Variants in PDZRN3 observed in about 807,000 individuals in gnomAD.
PDZRN3 encodes the protein PDZ domain containing ring finger 3.
In PDZRN3, 38 loss-of-function variants were observed where a neutral mutation model predicts 85.7. The observed-to-expected ratio is 0.44, with a 90% CI of 0.34 to 0.58. The LOEUF is 0.58. PDZRN3 is among the 20% of genes least tolerant of loss of function. The pLI, the probability that PDZRN3 is intolerant of heterozygous loss-of-function variation, is 0.01. For synonymous variants in PDZRN3, 759 were observed against 638.0 expected (o/e 1.19, Z -2.86); for missense variants, 1,629 against 1,506.4 (o/e 1.08, Z -1.35).
rs1273033820 is a variant in PDZRN3 at position 73,590,269 on chromosome 3, A to T, written c.918+12085T>A. ...GGGTGACAAAGCAAGACTCTGTCTC[A>T]AAAAAAAAAAAAAAAAAGAAAGAGA... On this transcript the variant is annotated intron_variant, in intron 3 of 9. Coordinates refer to ENST00000263666, the MANE Select transcript of PDZRN3 (RefSeq NM_015009.3). 1.4e-4 allele frequency among the ~76,000 whole-genome samples: 4 copies of T among 27,622 alleles called. No individual in the cohort carries two copies. In the East Asian group the frequency reaches 5.6e-3, roughly 39 times the overall value. 18.1% of individuals were successfully genotyped at this position (27,622 alleles called of 152,430 possible). A position where few individuals can be genotyped will look rare whatever the true frequency, so the allele number is the denominator to read the frequency against.
At chr3:73,610,047 T>C (rs1702658612) in intron 1 of PDZRN3, among the ~76,000 whole-genome samples, 1 of 152,210 alleles carries the variant, frequency 6.6e-6, no homozygotes, top group Admixed American at 6.5e-5. Context: ...CCACAACCCC[T>C]TTCTCACGAG....
chr3:73,524,090 A>G (rs1704461915), intron 3 of PDZRN3, among the ~76,000 whole-genome samples: 1 of 152,190 alleles, frequency 6.6e-6, no homozygotes, highest in Admixed American at 6.5e-5. Context: ...ACAAGGCACT[A>G]TATTCAGGGT....
intron 3 of PDZRN3, among the ~76,000 whole-genome samples, chr3:73,545,182 G>T (rs986251196): frequency 5.9e-5 from 9 of 152,196 alleles, no homozygotes; most frequent in Non-Finnish European, 1.2e-4. Context: ...GGAGGGATGA[G>T]TGGAAGCCCC....
At chr3:73,442,451 C>T (rs547103387) in intron 3 of PDZRN3, among the ~76,000 whole-genome samples, 2 of 152,260 alleles carry the variant, frequency 1.3e-5, no homozygotes, top group African/African-American at 4.8e-5. Context: ...ACTGGCGCTA[C>T]AGGGCACGTG....
chr3:73,583,056 T>A (rs1396719344), intron 3 of PDZRN3, among the ~76,000 whole-genome samples: 1 of 152,312 alleles, frequency 6.6e-6, no homozygotes, highest in South Asian at 2.1e-4. Context: ...CTATCAATAA[T>A]CATAATGTGA....
Position 73,442,532 on chromosome 3 carries a change from G to A in PDZRN3, c.919-38137C>T, listed in dbSNP as rs114785549. ...AATAACACACTGGGAAAAATGTTAC[G>A]AGGAACACTAGGTGTTACAAATCCT... On this transcript the variant is annotated intron_variant, in intron 3 of 9. Coordinates refer to ENST00000263666, the MANE Select transcript of PDZRN3 (RefSeq NM_015009.3). Among the ~76,000 whole-genome samples, 372 of 152,254 alleles carry A rather than the reference G, an allele frequency of 2.4e-3. 5 individuals carry two copies. Among genetic ancestry groups the A allele is most frequent in the African/African-American group, 7.9e-3 (329 of 41,550 alleles).
intron 3 of PDZRN3, among the ~76,000 whole-genome samples, chr3:73,432,546 C>T (rs1702453295): frequency 6.6e-6 from 1 of 152,156 alleles, no homozygotes; most frequent in Non-Finnish European, 1.5e-5. Context: ...CACCCAGGGT[C>T]ATTTTATCTT....
intron 3 of PDZRN3, among the ~76,000 whole-genome samples, chr3:73,492,555 G>GT (rs1023192683): frequency 6.6e-6 from 1 of 152,212 alleles, no homozygotes; most frequent in African/African-American, 2.4e-5. Context: ...CTGCAGAGGT[G>GT]TTTAAGAACA....
intron 3 of PDZRN3, among the ~76,000 whole-genome samples, chr3:73,504,879 C>G (rs1220801875): frequency 6.6e-6 from 1 of 152,092 alleles, no homozygotes. Context: ...AATTGATTGA[C>G]CTGTGGGGAA....
rs11343439 is a variant in PDZRN3, at chr3:73,602,470, T to TA, written c.811-10dup. 607 of 1,035,100 alleles carry TA rather than the reference T, an allele frequency of 5.9e-4. 1 individual carries two copies. Among genetic ancestry groups the TA allele is most frequent in the Non-Finnish European group, 7.1e-4 (499 of 698,998 alleles). The allele number at this position is 1,035,100 out of a possible 1,614,324, so 64.1% of individuals were successfully genotyped here. A position where few individuals can be genotyped will look rare whatever the true frequency, so the allele number is the denominator to read the frequency against. Reference sequence around the variant, plus strand: ...GATCCATCGTGGTTATCCTTTGGGTTAAAAAAAAAAACATGCATGAATGCT... The same window carrying TA: ...GATCCATCGTGGTTATCCTTTGGGTTAAAAAAAAAAAACATGCATGAATGCT... On this transcript the variant is annotated splice_polypyrimidine_tract_variant and intron_variant, in intron 2 of 9. Coordinates refer to ENST00000263666, the MANE Select transcript of PDZRN3 (RefSeq NM_015009.3).
At chr3:73,570,368 A>G (rs552946524) in intron 3 of PDZRN3, among the ~76,000 whole-genome samples, 1 of 152,360 alleles carries the variant, frequency 6.6e-6, no homozygotes, top group South Asian at 2.1e-4. Context: ...GGCAACAATT[A>G]CCGGCATATT....
chr3:73,573,639 C>T (rs1702074906), intron 3 of PDZRN3, among the ~76,000 whole-genome samples: 1 of 152,162 alleles, frequency 6.6e-6, no homozygotes, highest in Admixed American at 6.6e-5. Flanking sequence ...AGTTTGCCAA[C>T]GCCCGTTCTA....
intron 3 of PDZRN3, among the ~76,000 whole-genome samples, chr3:73,498,774 G>A (rs1037858882): frequency 3.9e-5 from 6 of 152,092 alleles, no homozygotes; most frequent in East Asian, 1.9e-4. Flanking sequence ...TAGTAGAGAC[G>A]GGGTTTCACA....
At chr3:73,494,127 T>G (rs897855216) in intron 3 of PDZRN3, among the ~76,000 whole-genome samples, 2 of 152,244 alleles carry the variant, frequency 1.3e-5, no homozygotes, top group Non-Finnish European at 2.9e-5. Context: ...GGGCTGGGCT[T>G]CTGACACATG....
Position 73,624,526 on chromosome 3 carries a change from C to A in PDZRN3, c.300G>T (p.Glu100Asp). 8 of 1,474,712 alleles carry A rather than the reference C, an allele frequency of 5.4e-6. No homozygotes were observed. In the East Asian group the frequency reaches 8.9e-5, roughly 16 times the overall value. The allele number at this position is 1,474,712 out of a possible 1,614,324, so 91.4% of individuals were successfully genotyped here. A position where few individuals can be genotyped will look rare whatever the true frequency, so the allele number is the denominator to read the frequency against. Reference protein sequence around the residue: ...GRVVKLQQLPEHLERCDFAPA... With the variant: ...GRVVKLQQLPDHLERCDFAPA... ...GCGCGAAGTCGCAGCGCTCGAGGTGCTCCGGCAGCTGCTGCAGCTTGACCA... is the reference window on the plus strand; with the variant it reads ...GCGCGAAGTCGCAGCGCTCGAGGTGATCCGGCAGCTGCTGCAGCTTGACCA... Residue 100 changes from glutamate to aspartate, a missense_variant, in exon 1 of 10, where the codon GAG becomes GAT. By Grantham distance (45) the Glu-to-Asp change is conservative. Coordinates refer to ENST00000263666, the MANE Select transcript of PDZRN3 (RefSeq NM_015009.3).
chr3:73,384,799 A>G lies in PDZRN3; in HGVS notation c.1767T>C (p.Asn589=). ...TGGAGGATGCGGTGGCGTCGTCGCC[A>G]TTGTTCTCTTGCTCCGAGCTCTCGT... is the stretch of plus-strand genomic sequence containing the variant. ...RNDESSEQEN[N]GDDATASSNP... is the part of the protein sequence containing the mutation. The change falls in exon 10 of 10, where the codon AAT becomes AAC. Residue 589 remains asparagine, a synonymous_variant. Transcript: ENST00000263666. 1 of 1,614,002 alleles carries G rather than the reference A, an allele frequency of 6.2e-7. No homozygotes were observed. Among genetic ancestry groups the G allele is most frequent in the Middle Eastern group, 1.6e-4 (1 of 6,062 alleles).
chr3:73,597,293 G>A (rs1235054324), intron 3 of PDZRN3, among the ~76,000 whole-genome samples: 2 of 152,046 alleles, frequency 1.3e-5, no homozygotes, highest in Non-Finnish European at 2.9e-5. Flanking sequence ...AACAAACCTT[G>A]TTAGCAATGA....
chr3:73,485,557 C>A (rs1032172543), intron 3 of PDZRN3, among the ~76,000 whole-genome samples: 3 of 152,110 alleles, frequency 2.0e-5, no homozygotes. Flanking sequence ...TACTACAAAG[C>A]ATTGCAAAGA....
At chr3:73,534,611 T>G (rs951257370) in intron 3 of PDZRN3, among the ~76,000 whole-genome samples, 1 of 152,170 alleles carries the variant, frequency 6.6e-6, no homozygotes, top group African/African-American at 2.4e-5. Context: ...AAACCATGGG[T>G]CAAGATTTAC....
Sources: allele counts gnomAD v4.1 joint callset (sites outside exome capture counted in the v4.1 genomes callset), GRCh38; gene constraint gnomAD v4.1.1; transcripts MANE v1.5; gene names NCBI Gene and HGNC (gene_info 2026-07-23, HGNC 2026-07-21).